Variants in CARMIL1 observed in about 807,000 individuals in gnomAD.
CARMIL1 encodes the protein capping protein regulator and myosin 1 linker 1.
A neutral mutation model predicts 177.1 loss-of-function variants in CARMIL1; 90 were observed. The ratio of observed to expected loss-of-function variants is 0.51; its 90% CI spans 0.43 to 0.61. CARMIL1 has a LOEUF of 0.61. Among genes scored for constraint, CARMIL1 ranks in the 20% least tolerant of loss-of-function variants. The pLI is 0.00. For synonymous variants in CARMIL1, 577 were observed against 606.2 expected, an observed-to-expected ratio of 0.95 and a Z score of 0.71; for missense variants, 1,380 against 1,667.0, an observed-to-expected ratio of 0.83 and a Z score of 3.00.
At chr6:25,362,543 A>C (rs1789330132) in intron 2 of CARMIL1, among the ~76,000 whole-genome samples, 1 of 152,104 alleles carries the variant, frequency 6.6e-6, no homozygotes, top group Non-Finnish European at 1.5e-5. Context: ...GCATGGTGGC[A>C]CATGCCTGTA....
chr6:25,515,587 T>A lies in CARMIL1; in HGVS notation c.1633-88T>A. On this transcript the variant is annotated intron_variant, in intron 20 of 36. Transcript: ENST00000329474. The surrounding 1 kb of genome is among the most constrained non-coding windows in gnomAD (Gnocchi z 5.0). Reference sequence around the variant, plus strand: ...AAATCAGACACGTGCAGTAGGTCCATCCCCTCTCATTCTCCACGAAATGCG... The same window carrying A: ...AAATCAGACACGTGCAGTAGGTCCAACCCCTCTCATTCTCCACGAAATGCG... 8.0e-7 allele frequency: 1 copy of A among 1,245,864 alleles called. No homozygotes were observed. The highest frequency in any genetic ancestry group is 1.1e-6 in the Non-Finnish European group (1 of 899,798). 77.2% of individuals were successfully genotyped at this position (1,245,864 alleles called of 1,614,324 possible). A position where few individuals can be genotyped will look rare whatever the true frequency, so the allele number is the denominator to read the frequency against.
chr6:25,610,001 G>T, intron 35 of CARMIL1, 49 bp from the exon 36 acceptor site: 3 of 1,543,618 alleles, frequency 1.9e-6, no homozygotes, highest in Non-Finnish European at 2.6e-6. Flanking sequence ...TTATGTTCTT[G>T]GAATCCAGTT....
intron 5 of CARMIL1, among the ~76,000 whole-genome samples, chr6:25,439,263 A>G (rs1314925355): frequency 6.6e-6 from 1 of 152,182 alleles, no homozygotes; most frequent in South Asian, 2.1e-4. Flanking sequence ...CAAGACCTCC[A>G]TAGACCTCTC....
At chr6:25,610,326 G>A in intron 36 of CARMIL1, 145 bp downstream of exon 36, 1 of 933,972 alleles carries the variant, frequency 1.1e-6, no homozygotes, top group Non-Finnish European at 1.5e-6. Flanking sequence ...TGGAAATGGA[G>A]TAGTTTCTTA....
chr6:25,322,065 A>T (rs973880954), intron 2 of CARMIL1, among the ~76,000 whole-genome samples: 7 of 152,130 alleles, frequency 4.6e-5, no homozygotes, highest in Non-Finnish European at 1.0e-4. Context: ...AGTAGCCGCG[A>T]TATAGCACGT....
chr6:25,443,569 A>G (rs192041048), intron 5 of CARMIL1, among the ~76,000 whole-genome samples: 3 of 152,338 alleles, frequency 2.0e-5, no homozygotes, highest in Non-Finnish European at 1.5e-5. Flanking sequence ...GTGAGTCAAG[A>G]ACTTTTTGGT....
chr6:25,318,005 A>T (rs1349147694), intron 2 of CARMIL1, among the ~76,000 whole-genome samples: 1 of 152,100 alleles, frequency 6.6e-6, no homozygotes, highest in East Asian at 1.9e-4. Context: ...AGAAACCGTA[A>T]AGCGTATTCA....
At chr6:25,516,907 G>A (rs1021428190) in intron 21 of CARMIL1, among the ~76,000 whole-genome samples, 7 of 152,198 alleles carry the variant, frequency 4.6e-5, no homozygotes, top group African/African-American at 1.4e-4. Context: ...AGAAACACTA[G>A]TGTTTTACTG....
At position 25,600,331 on chromosome 6, in the gene CARMIL1, G is replaced by T. The variant is rs182293263; in HGVS notation, c.3137G>T (p.Gly1046Val). The T allele has an allele frequency of 7.4e-6, 12 of 1,612,088 alleles. No individual in the cohort carries two copies. The African/African-American group carries it at 1.1e-4, about 14-fold the overall frequency. Residue 1046 changes from glycine to valine, a missense_variant, in exon 33 of 37, where the codon GGC becomes GTC. Gly to Val is a moderately radical substitution (Grantham distance 109). Coordinates refer to ENST00000329474, the MANE Select transcript of CARMIL1 (RefSeq NM_017640.6). ...AAATGCAGGAAATGGTCAACAAGAG[G>T]CTCAGAGTCCCATGAGCTTAATGAA... is the stretch of plus-strand genomic sequence containing the variant. Reference protein sequence around the residue: ...KMDSKKWSTRGSESHELNEGG... With the variant: ...KMDSKKWSTRVSESHELNEGG...
At chr6:25,313,570 G>C (rs1393033118) in intron 2 of CARMIL1, among the ~76,000 whole-genome samples, 1 of 143,198 alleles carries the variant, frequency 7.0e-6, no homozygotes, top group Non-Finnish European at 1.5e-5. Flanking sequence ...GAGGATGAGG[G>C]GCAGGGCCAG....
chr6:25,415,545 T>C (rs1581862677), intron 2 of CARMIL1, among the ~76,000 whole-genome samples: 1 of 150,238 alleles, frequency 6.7e-6, no homozygotes, highest in East Asian at 2.0e-4. Context: ...ATGGAATGGC[T>C]GGCTGGTTCC....
At chr6:25,280,430 A>G (rs995947927) in intron 1 of CARMIL1, among the ~76,000 whole-genome samples, 2 of 152,164 alleles carry the variant, frequency 1.3e-5, no homozygotes, top group African/African-American at 2.4e-5. Context: ...CGAAAGGGTT[A>G]CAGGGCTGAC....
chr6:25,337,126 C>T (rs1786330807), intron 2 of CARMIL1, among the ~76,000 whole-genome samples: 2 of 152,192 alleles, frequency 1.3e-5, no homozygotes, highest in African/African-American at 4.8e-5. Context: ...TAATGCTTAT[C>T]ATTTGTTAGT....
At chr6:25,291,589 C>T (rs1344337467) in intron 2 of CARMIL1, among the ~76,000 whole-genome samples, 1 of 152,148 alleles carries the variant, frequency 6.6e-6, no homozygotes, top group African/African-American at 2.4e-5. Flanking sequence ...TTGTGTTCAG[C>T]TTCTTAAGGC....
chr6:25,485,530 G>A (rs761433819), intron 12 of CARMIL1, among the ~76,000 whole-genome samples: 1 of 152,208 alleles, frequency 6.6e-6, no homozygotes, highest in East Asian at 1.9e-4. Flanking sequence ...CACCTCCAGG[G>A]TTCAAGCGAT....
chr6:25,434,662 T>G (rs1390148770), intron 4 of CARMIL1, among the ~76,000 whole-genome samples: 2 of 151,972 alleles, frequency 1.3e-5, no homozygotes, highest in African/African-American at 4.8e-5. Flanking sequence ...TAGCTGGGAT[T>G]ACATGGGATT....
At chr6:25,490,522 A>G (rs1287158357) in intron 13 of CARMIL1, among the ~76,000 whole-genome samples, 1 of 151,612 alleles carries the variant, frequency 6.6e-6, no homozygotes, top group African/African-American at 2.4e-5. Flanking sequence ...ATATGTTGAA[A>G]CCCTGTCTCT....
At chr6:25,474,572 T>C (rs1218279102) in intron 11 of CARMIL1, among the ~76,000 whole-genome samples, 1 of 152,206 alleles carries the variant, frequency 6.6e-6, no homozygotes, top group African/African-American at 2.4e-5. Flanking sequence ...GTAGTGAATC[T>C]ACAGGAAGGT....
At chr6:25,311,026 CA>C (rs56194060) in intron 2 of CARMIL1, among the ~76,000 whole-genome samples, 31,428 of 151,502 alleles carry the variant, frequency 0.21, 4,199 homozygotes, top group East Asian at 0.4. Flanking sequence ...ACTAAAAATA[CA>C]AAAAACTGGC....
Sources: allele counts gnomAD v4.1 joint callset (sites outside exome capture counted in the v4.1 genomes callset), GRCh38; gene constraint gnomAD v4.1.1; non-coding constraint Gnocchi (gnomAD v3.1); transcripts MANE v1.5; gene names NCBI Gene and HGNC (gene_info 2026-07-23, HGNC 2026-07-21).